Variants in TBC1D5 observed in about 807,000 individuals in gnomAD.
TBC1D5 encodes TBC1 domain family member 5, also known as TBC1 domain family, member 5.
In TBC1D5, 75 loss-of-function variants were observed where a neutral mutation model predicts 100.3. The observed-to-expected ratio is 0.75, with a 90% CI of 0.62 to 0.91. The LOEUF (loss-of-function observed/expected upper bound fraction) is 0.91, where lower values mean the gene tolerates loss of function less well. TBC1D5 is among the 40% of genes least tolerant of loss of function. TBC1D5 has a pLI of 0.00. For missense variants in TBC1D5, 910 were observed against 942.4 expected, an observed-to-expected ratio of 0.97 and a Z score of 0.45; for synonymous variants, 323 against 325.6, an observed-to-expected ratio of 0.99 and a Z score of 0.09.
intron 2 of TBC1D5, among the ~76,000 whole-genome samples, chr3:17,607,669 C>G (rs74330449): frequency 0.017 from 2,511 of 152,048 alleles, 50 homozygotes; most frequent in South Asian, 0.048. Context: ...CAATACCCCC[C>G]AAAAACACAC....
chr3:17,713,718 A>G (rs1045463882), intron 1 of TBC1D5, among the ~76,000 whole-genome samples: 3 of 152,200 alleles, frequency 2.0e-5, no homozygotes, highest in African/African-American at 7.2e-5. Flanking sequence ...AAAAATAGGA[A>G]AAGAATCTGA....
exon 14 of TBC1D5, chr3:17,308,099 G>A: frequency 3.1e-6 from 5 of 1,600,812 alleles, no homozygotes; most frequent in Non-Finnish European, 4.3e-6. Flanking sequence ...GTCCTGCAGG[G>A]GGAACTCTCG....
chr3:17,197,778 T>C (rs1197233395), intron 18 of TBC1D5, among the ~76,000 whole-genome samples: 2 of 152,216 alleles, frequency 1.3e-5, no homozygotes, highest in Non-Finnish European at 2.9e-5. Context: ...AGCTCATGAC[T>C]GTAATTCCAG....
chr3:17,705,177 A>G (rs1201344853), intron 1 of TBC1D5, among the ~76,000 whole-genome samples: 59 of 42,596 alleles, frequency 1.4e-3, no homozygotes, highest in Non-Finnish European at 1.7e-3. Context: ...CCCGGACGGC[A>G]CGGCTGGCCA....
At chr3:17,512,956 A>G (rs1316312349) in intron 2 of TBC1D5, among the ~76,000 whole-genome samples, 1 of 152,190 alleles carries the variant, frequency 6.6e-6, no homozygotes, top group East Asian at 1.9e-4. Flanking sequence ...AATTTTTAAT[A>G]AAAGGGTAAG....
chr3:17,497,894 C>T lies in TBC1D5; in HGVS notation c.97+10580G>A, dbSNP rs546316696. Among the ~76,000 whole-genome samples, 165 of 151,740 alleles carry T rather than the reference C, an allele frequency of 1.1e-3. 1 individual carries two copies. Among genetic ancestry groups the T allele is most frequent in the African/African-American group, 3.8e-3 (159 of 41,420 alleles). On this transcript the variant is annotated intron_variant, in intron 3 of 21. Transcript: ENST00000253692. ...CAAAGCTAGTTGAGCTTTTTTTTCC[C>T]GGACTAAAATTAAAGATATTTGTTA...
intron 15 of TBC1D5, among the ~76,000 whole-genome samples, chr3:17,287,465 C>T (rs531954160): frequency 2.0e-5 from 3 of 152,186 alleles, no homozygotes; most frequent in Admixed American, 6.5e-5. Flanking sequence ...GCCAGGAATC[C>T]GAGGAGGGAA....
At chr3:17,385,087 G>A (rs976722970) in intron 8 of TBC1D5, among the ~76,000 whole-genome samples, 2 of 152,026 alleles carry the variant, frequency 1.3e-5, no homozygotes, top group East Asian at 1.9e-4. Context: ...TTCTAGTTAT[G>A]CAACCCTGAG....
exon 21 of TBC1D5, chr3:17,166,875 G>T (rs774846692): frequency 6.2e-7 from 1 of 1,614,000 alleles, no homozygotes; most frequent in South Asian, 1.1e-5. Context: ...CGTTCTCTTC[G>T]GCCTCTAGCT....
intron 13 of TBC1D5, among the ~76,000 whole-genome samples, chr3:17,336,883 A>G (rs1024048678): frequency 6.6e-6 from 1 of 152,162 alleles, no homozygotes; most frequent in Non-Finnish European, 1.5e-5. Flanking sequence ...AATGATGTGC[A>G]ATGCATCATA....
At chr3:17,160,710 C>T (rs1380994427) in exon 22 of TBC1D5, 3 of 489,008 alleles carry the variant, frequency 6.1e-6, no homozygotes, top group Admixed American at 3.3e-5. Context: ...TCAGCTCTAA[C>T]TCAGAGCAAG....
chr3:17,286,579 A>C (rs1255302722), intron 15 of TBC1D5, among the ~76,000 whole-genome samples: 1 of 152,224 alleles, frequency 6.6e-6, no homozygotes, highest in East Asian at 1.9e-4. Flanking sequence ...CTAAGTACAG[A>C]AGTTGTATTT....
intron 2 of TBC1D5, among the ~76,000 whole-genome samples, chr3:17,553,281 C>G (rs2096488757): frequency 6.6e-6 from 1 of 152,098 alleles, no homozygotes; most frequent in African/African-American, 2.4e-5. Flanking sequence ...TAAAATGTTC[C>G]TTGTAAAACT....
chr3:17,700,633 G>GA (rs562434003), intron 1 of TBC1D5, among the ~76,000 whole-genome samples: 2 of 151,852 alleles, frequency 1.3e-5, no homozygotes, highest in Non-Finnish European at 2.9e-5. Context: ...AAATTTACAA[G>GA]AAAAAAACAA....
chr3:17,324,198 C>T (rs1043824463), intron 13 of TBC1D5, among the ~76,000 whole-genome samples: 3 of 152,086 alleles, frequency 2.0e-5, no homozygotes, highest in Admixed American at 6.5e-5. Context: ...CTAAGGGCAA[C>T]GATTGTACAA....
At chr3:17,366,009 GCCAGGTGTGC>G (rs958277109) in intron 13 of TBC1D5, among the ~76,000 whole-genome samples, 1 of 152,068 alleles carries the variant, frequency 6.6e-6, no homozygotes, top group Non-Finnish European at 1.5e-5. Context: ...AAGCCTTTTG[GCCAGGTGTGC>G]TGGCTCACAC....
At chr3:17,406,966 G>C (rs1214378826) in intron 4 of TBC1D5, among the ~76,000 whole-genome samples, 1 of 152,060 alleles carries the variant, frequency 6.6e-6, no homozygotes, top group African/African-American at 2.4e-5. Flanking sequence ...TTTAATGTCA[G>C]GCTGGACAGT....
chr3:17,634,793 G>A (rs370788055), intron 1 of TBC1D5, among the ~76,000 whole-genome samples: 2 of 152,116 alleles, frequency 1.3e-5, no homozygotes, highest in African/African-American at 4.8e-5. Context: ...TTTCCGTGAT[G>A]TGATTATTAC....
At chr3:17,179,420 A>G (rs2068186922) in intron 19 of TBC1D5, among the ~76,000 whole-genome samples, 1 of 152,254 alleles carries the variant, frequency 6.6e-6, no homozygotes, top group Non-Finnish European at 1.5e-5. Context: ...TGATGTTCAA[A>G]ACTGGCCTCC....
Sources: allele counts gnomAD v4.1 joint callset (sites outside exome capture counted in the v4.1 genomes callset), GRCh38; gene constraint gnomAD v4.1.1; transcripts MANE v1.5; gene names NCBI Gene and HGNC (gene_info 2026-07-23, HGNC 2026-07-21).